Variants in SSBP2 observed in about 807,000 individuals in gnomAD.
SSBP2 encodes single stranded DNA binding protein 2, also known as single-stranded DNA-binding protein 2.
SSBP2 carries 17 observed loss-of-function variants against 61.8 expected under a neutral mutation model. That is an observed-to-expected ratio of 0.28 (90% CI 0.19 to 0.41). SSBP2 has a LOEUF of 0.41. SSBP2 is among the 10% of genes least tolerant of loss of function. The probability of loss-of-function intolerance (pLI) is 1.00; values close to 1 mark genes in which losing one functional copy is unlikely to be tolerated. For missense variants in SSBP2, 310 were observed against 458.7 expected, an observed-to-expected ratio of 0.68 and a Z score of 2.96; for synonymous variants, 139 against 141.3, an observed-to-expected ratio of 0.98 and a Z score of 0.12.
At chr5:81,541,964 T>A (rs968247797) in intron 4 of SSBP2, among the ~76,000 whole-genome samples, 6 of 152,142 alleles carry the variant, frequency 3.9e-5, no homozygotes, top group African/African-American at 7.2e-5. Flanking sequence ...AAAGAAACTA[T>A]CAACAGAGTA....
Position 81,439,323 on chromosome 5 carries a change from G to GT in SSBP2, c.928+1234dup, listed in dbSNP as rs1182968966. 8.6e-5 allele frequency among the ~76,000 whole-genome samples: 13 copies of GT among 151,910 alleles called. 1 individual carries two copies. The highest frequency in any genetic ancestry group is 4.2e-4 in the South Asian group (2 of 4,798). ...TTAAACATATACGAACATAAAAAGT[G>GT]TTTTTTTGTTTTGCATTTGACCTAT... is the stretch of plus-strand genomic sequence containing the variant. On this transcript the variant is annotated intron_variant, in intron 14 of 16. Coordinates refer to ENST00000320672, the MANE Select transcript of SSBP2 (RefSeq NM_012446.5).
intron 5 of SSBP2, among the ~76,000 whole-genome samples, chr5:81,494,416 T>C (rs530475621): frequency 6.6e-6 from 1 of 152,344 alleles, no homozygotes; most frequent in East Asian, 1.9e-4. Flanking sequence ...CTGCATAAAA[T>C]TCATATATTG....
At chr5:81,497,987 CCT>C (rs1477069755) in intron 5 of SSBP2, among the ~76,000 whole-genome samples, 1 of 151,962 alleles carries the variant, frequency 6.6e-6, no homozygotes, top group Admixed American at 6.6e-5. Flanking sequence ...TAGCAGTTTG[CCT>C]CTCAGGTGTG....
chr5:81,442,815 T>A (rs1034458718), intron 12 of SSBP2, 92 bp from the exon 13 acceptor site: 2 of 602,046 alleles, frequency 3.3e-6, no homozygotes, highest in African/African-American at 3.9e-5. Context: ...TGCATACAGA[T>A]ACCTCTCTCT....
chr5:81,658,316 C>T (rs886645894), intron 1 of SSBP2, among the ~76,000 whole-genome samples: 3 of 152,054 alleles, frequency 2.0e-5, no homozygotes, highest in Non-Finnish European at 4.4e-5. Flanking sequence ...CTGTGGGTTC[C>T]GTGTGGTTGG....
intron 1 of SSBP2, among the ~76,000 whole-genome samples, chr5:81,652,735 T>C (rs929295062): frequency 1.3e-5 from 2 of 151,664 alleles, no homozygotes; most frequent in African/African-American, 4.9e-5. Context: ...GACTCCATAA[T>C]ACATGATCAG....
chr5:81,649,294 G>A (rs1172424658), intron 2 of SSBP2, among the ~76,000 whole-genome samples: 2 of 152,046 alleles, frequency 1.3e-5, no homozygotes, highest in East Asian at 1.9e-4. Context: ...ACATAACAGA[G>A]CTCAATAAAA....
At chr5:81,491,019 T>A (rs1014957010) in intron 5 of SSBP2, among the ~76,000 whole-genome samples, 1 of 152,242 alleles carries the variant, frequency 6.6e-6, no homozygotes, top group African/African-American at 2.4e-5. Context: ...GTTAGTTATG[T>A]ACTGTCAACT....
intron 3 of SSBP2, among the ~76,000 whole-genome samples, chr5:81,625,710 T>C (rs574348978): frequency 7.2e-5 from 11 of 152,198 alleles, no homozygotes; most frequent in Non-Finnish European, 1.0e-4. Flanking sequence ...TTCCTGAGAA[T>C]GTAAGTTGAA....
chr5:81,565,358 A>G, intron 4 of SSBP2, among the ~76,000 whole-genome samples: 1 of 152,306 alleles, frequency 6.6e-6, no homozygotes, highest in Middle Eastern at 3.4e-3. Flanking sequence ...AACATAAAAA[A>G]AATTTGTAAA....
At chr5:81,685,304 T>C (rs954114323) in intron 1 of SSBP2, among the ~76,000 whole-genome samples, 3 of 152,182 alleles carry the variant, frequency 2.0e-5, no homozygotes, top group Non-Finnish European at 4.4e-5. Flanking sequence ...CAATGGTTAA[T>C]ATATAGGATA....
At chr5:81,446,471 A>G (rs6883488) in intron 12 of SSBP2, among the ~76,000 whole-genome samples, 68,880 of 151,938 alleles carry the variant, frequency 0.45, 19,024 homozygotes, top group African/African-American at 0.79. Context: ...TCATCTTAGT[A>G]AGATAATAGA....
chr5:81,659,256 T>C (rs982740969), intron 1 of SSBP2, among the ~76,000 whole-genome samples: 3 of 152,160 alleles, frequency 2.0e-5, no homozygotes, highest in African/African-American at 7.2e-5. Context: ...TGACTCTATA[T>C]TTAGAAAACT....
Position 81,652,862 on chromosome 5 carries a change from T to C in SSBP2, c.63-2523A>G, listed in dbSNP as rs1749852903. On this transcript the variant is annotated intron_variant, in intron 1 of 16. Coordinates refer to ENST00000320672, the MANE Select transcript of SSBP2 (RefSeq NM_012446.5). ...TGGTGCACCCATCACCCGAGTAGCA[T>C]ACACTGTACCCAATTTGTAGTCTTT... Among the ~76,000 whole-genome samples the C allele has an allele frequency of 3.9e-5, 6 of 152,102 alleles. No homozygotes were observed. In the South Asian group the frequency reaches 1.2e-3, roughly 32 times the overall value.
chr5:81,523,423 A>C, intron 4 of SSBP2, among the ~76,000 whole-genome samples: 1 of 152,008 alleles, frequency 6.6e-6, no homozygotes, highest in Non-Finnish European at 1.5e-5. Context: ...TGTTTCGAGA[A>C]AAAAATCTCT....
At chr5:81,494,574 A>G (rs1767148818) in intron 5 of SSBP2, among the ~76,000 whole-genome samples, 1 of 152,210 alleles carries the variant, frequency 6.6e-6, no homozygotes, top group South Asian at 2.1e-4. Context: ...CCATGTGAGC[A>G]TTATGGCCAT....
chr5:81,697,745 AG>A (rs1188803177), intron 1 of SSBP2, among the ~76,000 whole-genome samples: 1 of 152,228 alleles, frequency 6.6e-6, no homozygotes, highest in Non-Finnish European at 1.5e-5. Flanking sequence ...CTCTTTAAAA[AG>A]GAATAATATT....
At chr5:81,559,822 A>T (rs1181860539) in intron 4 of SSBP2, among the ~76,000 whole-genome samples, 3 of 152,104 alleles carry the variant, frequency 2.0e-5, no homozygotes, top group Non-Finnish European at 4.4e-5. Flanking sequence ...CAAAAAAACT[A>T]AAAAAACAGT....
chr5:81,607,609 A>G (rs1477411767), intron 4 of SSBP2, among the ~76,000 whole-genome samples: 1 of 152,192 alleles, frequency 6.6e-6, no homozygotes, highest in Non-Finnish European at 1.5e-5. Flanking sequence ...CTATTAATCT[A>G]AGTTTCCAAA....
Sources: gnomAD v4.1 joint callset for allele counts (sites outside exome capture counted in the v4.1 genomes callset) on GRCh38, gnomAD v4.1.1 for gene constraint, MANE v1.5 for transcripts, NCBI Gene and HGNC (gene_info 2026-07-23, HGNC 2026-07-21) for gene names.